CCDC62: variants seen among roughly 807,000 people sequenced by gnomAD.
The protein encoded by CCDC62 is coiled-coil domain-containing protein 62.
Under a neutral mutation model 80.8 loss-of-function variants are expected in CCDC62, and 72 were observed. That is an observed-to-expected ratio of 0.89 (90% CI 0.74 to 1.08). The LOEUF (loss-of-function observed/expected upper bound fraction) is 1.08, where lower values mean the gene tolerates loss of function less well. CCDC62 is among the 50% of genes least tolerant of loss of function. The pLI is 0.00. For missense variants in CCDC62, 704 were observed against 809.4 expected, an observed-to-expected ratio of 0.87 and a Z score of 1.58; for synonymous variants, 286 against 296.5, an observed-to-expected ratio of 0.96 and a Z score of 0.36.
Position 122,820,061 on chromosome 12 carries a change from C to CAAAAAAA in CCDC62, c.2002-3289_2002-3283dup, listed in dbSNP as rs34620795. Among the ~76,000 whole-genome samples, 141 of 58,042 alleles carry CAAAAAAA rather than the reference C, an allele frequency of 2.4e-3. 9 individuals carry two copies. The highest frequency in any genetic ancestry group is 3.2e-3 in the Non-Finnish European group (112 of 35,212). The allele number at this position is 58,042 out of a possible 152,430, so 38.1% of individuals were successfully genotyped here. A position where few individuals can be genotyped will look rare whatever the true frequency, so the allele number is the denominator to read the frequency against. ...TGAGCGATACAGCAAGATCCTGTCT[C>CAAAAAAA]AAAAAAAAAAAAAAAAAAAAAAGAA... On this transcript the variant is annotated intron_variant, in intron 11 of 12. Transcript: ENST00000253079.
intron 8 of CCDC62, among the ~76,000 whole-genome samples, chr12:122,800,299 G>A (rs1313173377): frequency 2.0e-5 from 3 of 150,360 alleles, no homozygotes; most frequent in Non-Finnish European, 4.4e-5. Flanking sequence ...GCTAAAAATA[G>A]GCTGGACGCC....
At chr12:122,784,707 A>T (rs1050020600) in intron 3 of CCDC62, among the ~76,000 whole-genome samples, 2 of 151,866 alleles carry the variant, frequency 1.3e-5, no homozygotes, top group Non-Finnish European at 2.9e-5. Flanking sequence ...TAATGGTGAG[A>T]ACCTGTAGTC....
chr12:122,787,531 CA>C (rs1468846933), intron 4 of CCDC62, among the ~76,000 whole-genome samples: 1 of 151,024 alleles, frequency 6.6e-6, no homozygotes, highest in Non-Finnish European at 1.5e-5. Flanking sequence ...CCAGGCAGAT[CA>C]CAAGGCCAAG....
intron 5 of CCDC62, among the ~76,000 whole-genome samples, chr12:122,790,815 C>T (rs1480017772): frequency 1.3e-5 from 2 of 152,128 alleles, no homozygotes; most frequent in African/African-American, 4.8e-5. Context: ...GGAGCTCCAC[C>T]CTGAGTCACC....
At chr12:122,804,882 A>ATTT (rs35218710) in intron 9 of CCDC62, among the ~76,000 whole-genome samples, 1 of 104,524 alleles carries the variant, frequency 9.6e-6, no homozygotes, top group African/African-American at 3.5e-5. Context: ...ACTTGGTTCC[A>ATTT]TTTTTTTTTT....
chr12:122,801,970 C>A, intron 9 of CCDC62, 118 bp downstream of exon 9: 1 of 1,114,192 alleles, frequency 9.0e-7, no homozygotes. Context: ...TGTTTGCTAA[C>A]AGAAATCTTC....
intron 11 of CCDC62, among the ~76,000 whole-genome samples, chr12:122,820,366 G>T (rs1247079542): frequency 2.6e-5 from 4 of 152,204 alleles, no homozygotes; most frequent in African/African-American, 7.2e-5. Context: ...GAGGGTAGGG[G>T]TGAGGAGCGG....
At chr12:122,809,911 A>T (rs1229529683) in intron 10 of CCDC62, among the ~76,000 whole-genome samples, 1 of 152,156 alleles carries the variant, frequency 6.6e-6, no homozygotes, top group Non-Finnish European at 1.5e-5. Flanking sequence ...AAAAACAAGA[A>T]ATGGGGAAAG....
intron 1 of CCDC62, among the ~76,000 whole-genome samples, chr12:122,774,908 T>C (rs1410319298): frequency 6.7e-6 from 1 of 149,748 alleles, no homozygotes; most frequent in Non-Finnish European, 1.5e-5. Context: ...GCTAACACAG[T>C]GAAACCCCGT....
At chr12:122,796,476 C>G (rs1214388091) in intron 6 of CCDC62, among the ~76,000 whole-genome samples, 1 of 152,028 alleles carries the variant, frequency 6.6e-6, no homozygotes, top group Non-Finnish European at 1.5e-5. Context: ...TTATTTAAAC[C>G]CTGCTTGGAT....
At chr12:122,815,018 T>C (rs925690085) in intron 11 of CCDC62, among the ~76,000 whole-genome samples, 2 of 151,846 alleles carry the variant, frequency 1.3e-5, no homozygotes, top group African/African-American at 4.8e-5. Context: ...CTGCTTGAAC[T>C]CCCGGCCTCA....
chr12:122,815,520 C>T (rs1219407531), intron 11 of CCDC62, among the ~76,000 whole-genome samples: 1 of 152,010 alleles, frequency 6.6e-6, no homozygotes, highest in Non-Finnish European at 1.5e-5. Context: ...GATCTCGGCT[C>T]ACTGCAAGCT....
At chr12:122,820,106 A>G (rs1401738088) in intron 11 of CCDC62, among the ~76,000 whole-genome samples, 1 of 149,774 alleles carries the variant, frequency 6.7e-6, no homozygotes, top group East Asian at 2.0e-4. Context: ...AAGAAAGAGG[A>G]TGGAAATAAG....
chr12:122,786,950 T>A (rs1421191601), intron 4 of CCDC62, among the ~76,000 whole-genome samples: 3 of 151,748 alleles, frequency 2.0e-5, no homozygotes, highest in Non-Finnish European at 4.4e-5. Flanking sequence ...ACAGCGAGAC[T>A]CCGTCTCAAA....
At chr12:122,792,202 GTT>G (rs760554062) in intron 6 of CCDC62, 81 bp downstream of exon 6, 24,651 of 479,022 alleles carry the variant, frequency 0.051, 575 homozygotes, top group African/African-American at 0.18. Flanking sequence ...TCCCAAAATG[GTT>G]TTTTTTTTTT....
chr12:122,795,465 C>T (rs1394497276), intron 6 of CCDC62, among the ~76,000 whole-genome samples: 2 of 151,942 alleles, frequency 1.3e-5, no homozygotes, highest in Non-Finnish European at 1.5e-5. Flanking sequence ...TCGCTGTCGC[C>T]CAGGCTGGAG....
chr12:122,806,030 T>G (rs2031577816), intron 9 of CCDC62, 121 bp from the exon 10 acceptor site: 1 of 825,382 alleles, frequency 1.2e-6, no homozygotes, highest in Non-Finnish European at 1.8e-6. Flanking sequence ...CTACTCAAAC[T>G]TGACCTGCTT....
At chr12:122,814,727 C>T (rs374735848) in intron 11 of CCDC62, among the ~76,000 whole-genome samples, 11 of 151,986 alleles carry the variant, frequency 7.2e-5, no homozygotes, top group African/African-American at 2.2e-4. Flanking sequence ...AGGCTGGTCT[C>T]GAACTCCTGA....
At position 122,774,591 on chromosome 12, in the gene CCDC62, C is replaced by T. The variant is rs975556578; in HGVS notation, c.-80C>T. The T allele has an allele frequency of 7.1e-6, 8 of 1,119,452 alleles. No homozygotes were observed. The highest frequency in any genetic ancestry group is 1.6e-5 in the African/African-American group (1 of 61,298). 69.3% of individuals were successfully genotyped at this position (1,119,452 alleles called of 1,614,324 possible). A position where few individuals can be genotyped will look rare whatever the true frequency, so the allele number is the denominator to read the frequency against. On this transcript the variant is annotated 5_prime_UTR_variant, in exon 1 of 13. Coordinates refer to ENST00000253079, the MANE Select transcript of CCDC62 (RefSeq NM_201435.5). ...CCCGGGGCTCCGGGCTCGCCCCCGC[C>T]GCTCGGGGCAGGCGCGCCGATGGCG...
Sources: gnomAD v4.1 joint callset for allele counts (sites outside exome capture counted in the v4.1 genomes callset) on GRCh38, gnomAD v4.1.1 for gene constraint, MANE v1.5 for transcripts, NCBI Gene and HGNC (gene_info 2026-07-23, HGNC 2026-07-21) for gene names.